The following ARID5B variants were observed in gnomAD, a reference collection of about 807,000 sequenced individuals.
ARID5B encodes AT-rich interaction domain 5B.
Under a neutral mutation model 97.2 loss-of-function variants are expected in ARID5B, and 13 were observed. The observed-to-expected ratio is 0.13, with a 90% CI of 0.09 to 0.21. The LOEUF is 0.21. Among genes scored for constraint, ARID5B ranks in the 10% least tolerant of loss-of-function variants. The pLI is 1.00. For missense variants in ARID5B, 1,210 were observed against 1,465.3 expected (o/e 0.83, Z 2.84); for synonymous variants, 556 against 570.3 (o/e 0.97, Z 0.36).
intron 4 of ARID5B, among the ~76,000 whole-genome samples, chr10:62,034,215 A>G (rs904342285): frequency 4.6e-5 from 7 of 152,248 alleles, no homozygotes; most frequent in Non-Finnish European, 7.3e-5. Flanking sequence ...AGTATAGCAT[A>G]GAACAAACCT....
At chr10:61,933,019 C>T (rs894019820) in intron 2 of ARID5B, among the ~76,000 whole-genome samples, 1 of 152,150 alleles carries the variant, frequency 6.6e-6, no homozygotes, top group African/African-American at 2.4e-5. Context: ...GGAGTTCAGG[C>T]CATATGGTGC....
rs1839669488 is a variant in ARID5B, at chr10:62,043,708, G to A, written c.734-7180G>A. Among the ~76,000 whole-genome samples, 5 of 152,206 alleles carry A rather than the reference G, an allele frequency of 3.3e-5. No individual in the cohort carries two copies. The South Asian group carries it at 1.0e-3, about 32-fold the overall frequency. Reference sequence around the variant, plus strand: ...GAAATGAAGACCTCCAGGGCAGAGAGAGACGGCGGATCAGGAAATAGCTAT... The same window carrying A: ...GAAATGAAGACCTCCAGGGCAGAGAAAGACGGCGGATCAGGAAATAGCTAT... On this transcript the variant is annotated intron_variant, in intron 4 of 9. Transcript: ENST00000279873.
chr10:61,924,300 A>G (rs1353707682), intron 2 of ARID5B, among the ~76,000 whole-genome samples: 1 of 152,226 alleles, frequency 6.6e-6, no homozygotes, highest in Non-Finnish European at 1.5e-5. Context: ...CAGGAGTAGA[A>G]AAAGCACCAA....
At chr10:61,962,053 C>T (rs997564039) in intron 3 of ARID5B, among the ~76,000 whole-genome samples, 2 of 152,162 alleles carry the variant, frequency 1.3e-5, no homozygotes, top group Non-Finnish European at 2.9e-5. Context: ...CCGGCCTTCT[C>T]GGCAATTTCT....
At chr10:61,901,780 C>G (rs762704193) in intron 1 of ARID5B, 50 bp downstream of exon 1, 6 of 1,575,698 alleles carry the variant, frequency 3.8e-6, no homozygotes, top group Non-Finnish European at 5.2e-6. Flanking sequence ...CCGGCACCCC[C>G]CAACCCCCCA....
At chr10:62,074,936 C>T (rs1840108490) in intron 8 of ARID5B, among the ~76,000 whole-genome samples, 1 of 152,196 alleles carries the variant, frequency 6.6e-6, no homozygotes, top group Non-Finnish European at 1.5e-5. Flanking sequence ...AAACTTGGGG[C>T]TTGTGTTTTG....
chr10:61,941,102 G>GC (rs1844403381), intron 3 of ARID5B, among the ~76,000 whole-genome samples: 1 of 144,740 alleles, frequency 6.9e-6, no homozygotes, highest in Admixed American at 7.1e-5. Context: ...TAGCTGTATG[G>GC]CCTTAGGCAA....
intron 9 of ARID5B, among the ~76,000 whole-genome samples, chr10:62,089,037 C>T (rs1269674295): frequency 6.6e-6 from 1 of 152,182 alleles, no homozygotes; most frequent in Non-Finnish European, 1.5e-5. Flanking sequence ...TGCAGTTCTA[C>T]ATCATAGAAA....
At chr10:61,961,612 T>C (rs1367472769) in intron 3 of ARID5B, among the ~76,000 whole-genome samples, 1 of 152,228 alleles carries the variant, frequency 6.6e-6, no homozygotes, top group Non-Finnish European at 1.5e-5. Context: ...CACCAGAGGA[T>C]GAAATGCTGT....
At chr10:61,949,455 G>A (rs984146921) in intron 3 of ARID5B, among the ~76,000 whole-genome samples, 3 of 152,128 alleles carry the variant, frequency 2.0e-5, no homozygotes, top group African/African-American at 4.8e-5. Context: ...TGATCAACAT[G>A]GTAAAACCCC....
At chr10:62,048,258 C>A (rs1457175013) in intron 4 of ARID5B, among the ~76,000 whole-genome samples, 1 of 152,172 alleles carries the variant, frequency 6.6e-6, no homozygotes, top group Non-Finnish European at 1.5e-5. Context: ...TGCAATGCAG[C>A]CTTTTGGGTG....
intron 3 of ARID5B, among the ~76,000 whole-genome samples, chr10:61,994,242 G>T (rs992460964): frequency 2.6e-5 from 4 of 151,364 alleles, no homozygotes; most frequent in African/African-American, 9.7e-5. Flanking sequence ...TGGGGCGAAG[G>T]TTTTTTTTTA....
At position 61,955,006 on chromosome 10, in the gene ARID5B, C is replaced by A. The variant is rs1483339549; in HGVS notation, c.502+14598C>A. Among the ~76,000 whole-genome samples, 525 of 130,812 alleles carry A rather than the reference C, an allele frequency of 4.0e-3. 1 individual carries two copies. Among genetic ancestry groups the A allele is most frequent in the South Asian group, 0.011 (43 of 4,056 alleles). The allele number at this position is 130,812 out of a possible 152,430, so 85.8% of individuals were successfully genotyped here. A position where few individuals can be genotyped will look rare whatever the true frequency, so the allele number is the denominator to read the frequency against. On this transcript the variant is annotated intron_variant, in intron 3 of 9. Coordinates refer to ENST00000279873, the MANE Select transcript of ARID5B (RefSeq NM_032199.3). Reference sequence around the variant, plus strand: ...GGGCAACAAGAGCGAAACTCCATCTCAAAAAAAAAAAAAGCAATCTATGAT... The same window carrying A: ...GGGCAACAAGAGCGAAACTCCATCTAAAAAAAAAAAAAAGCAATCTATGAT...
chr10:61,983,171 G>A (rs1442579339), intron 3 of ARID5B, among the ~76,000 whole-genome samples: 4 of 152,236 alleles, frequency 2.6e-5, no homozygotes, highest in Admixed American at 1.3e-4. Context: ...GTCTCACTCG[G>A]CTTGAAGTAA....
chr10:61,994,280 T>C (rs978931054), intron 3 of ARID5B, among the ~76,000 whole-genome samples: 2 of 152,024 alleles, frequency 1.3e-5, no homozygotes, highest in Non-Finnish European at 2.9e-5. Flanking sequence ...AACTTACTGA[T>C]GTTAGAAGTA....
chr10:62,051,645 G>C (rs959008364), intron 5 of ARID5B, among the ~76,000 whole-genome samples: 1 of 152,176 alleles, frequency 6.6e-6, no homozygotes, highest in Non-Finnish European at 1.5e-5. Context: ...TTGGAATCTT[G>C]AAAGTGCATG....
In ARID5B at chr10:62,096,712, A is replaced by G; in HGVS notation, c.*3682A>G. 4.3e-6 allele frequency: 1 copy of G among 233,624 alleles called. No individual in the cohort carries two copies. The highest frequency in any genetic ancestry group is 8.5e-6 in the Non-Finnish European group (1 of 117,996). The allele number at this position is 233,624 out of a possible 1,614,324, so 14.5% of individuals were successfully genotyped here. On this transcript the variant is annotated 3_prime_UTR_variant, in exon 10 of 10. Transcript: ENST00000279873. ...TAGCAACATGGCCCAGTGATATTATATAGTTTCCCAATGGAGAGGTTATTG... is the reference window on the plus strand; with the variant it reads ...TAGCAACATGGCCCAGTGATATTATGTAGTTTCCCAATGGAGAGGTTATTG...
chr10:61,964,684 A>G (rs1838518974), intron 3 of ARID5B, among the ~76,000 whole-genome samples: 1 of 152,206 alleles, frequency 6.6e-6, no homozygotes, highest in Non-Finnish European at 1.5e-5. Flanking sequence ...CTCCCTTTTT[A>G]AAATGCAGAA....
At chr10:62,060,765 C>A (rs984833628) in intron 7 of ARID5B, among the ~76,000 whole-genome samples, 6 of 152,116 alleles carry the variant, frequency 3.9e-5, no homozygotes, top group Non-Finnish European at 8.8e-5. Flanking sequence ...TTTATATGAA[C>A]CATGACTGCA....
Sources: allele counts gnomAD v4.1 joint callset (sites outside exome capture counted in the v4.1 genomes callset), GRCh38; gene constraint gnomAD v4.1.1; transcripts MANE v1.5; gene names NCBI Gene and HGNC (gene_info 2026-07-23, HGNC 2026-07-21).